The following SLC6A5 variants were observed in gnomAD, a reference collection of about 807,000 sequenced individuals.
SLC6A5 encodes the protein sodium- and chloride-dependent glycine transporter 2.
SLC6A5 carries 58 observed loss-of-function variants against 90.5 expected under a neutral mutation model. The ratio of observed to expected loss-of-function variants is 0.64; its 90% confidence interval spans 0.52 to 0.80. SLC6A5 has a LOEUF of 0.80. SLC6A5 is among the 30% of genes least tolerant of loss of function. The probability of loss-of-function intolerance (pLI) is 0.00; values close to 1 mark genes in which losing one functional copy is unlikely to be tolerated. For missense variants in SLC6A5, 1,015 were observed against 1,017.6 expected, an observed-to-expected ratio of 1.00 and a Z score of 0.03; for synonymous variants, 427 against 401.4, an observed-to-expected ratio of 1.06 and a Z score of -0.76.
rs529583324 is a variant in SLC6A5 at position 20,629,681 on chromosome 11, CAT to C, written c.1500-1008_1500-1007del. On this transcript the variant is annotated intron_variant, in intron 9 of 15. Transcript: ENST00000525748. The stretch of plus-strand genomic sequence containing the variant: ...GTTCATTCTTCTAGCTGTTTGAAAA[CAT>C]AAAATAAATTGTTGTTAATATAGTC... Among the ~76,000 whole-genome samples, 29 of 151,232 alleles carry C rather than the reference CAT, an allele frequency of 1.9e-4. 1 individual carries two copies. In the East Asian group the frequency reaches 5.4e-3, roughly 28 times the overall value.
intron 10 of SLC6A5, among the ~76,000 whole-genome samples, chr11:20,634,834 G>A (rs1853173541): frequency 6.6e-6 from 1 of 152,098 alleles, no homozygotes; most frequent in Admixed American, 6.6e-5. Context: ...AACATTCTAG[G>A]TGCTGTGATT....
intron 13 of SLC6A5, among the ~76,000 whole-genome samples, chr11:20,639,558 C>T (rs1284505803): frequency 1.3e-5 from 2 of 152,164 alleles, no homozygotes; most frequent in African/African-American, 2.4e-5. Flanking sequence ...GAGCTCTGGT[C>T]TTTAAACTGG....
intron 14 of SLC6A5, among the ~76,000 whole-genome samples, chr11:20,647,411 GGAA>G (rs373885126): frequency 2.2e-4 from 26 of 118,380 alleles, no homozygotes; most frequent in South Asian, 7.8e-4. Context: ...CTATTATATA[GGAA>G]TTCCTATTAT....
chr11:20,641,637 C>A (rs770892265), intron 13 of SLC6A5, among the ~76,000 whole-genome samples: 1 of 152,124 alleles, frequency 6.6e-6, no homozygotes, highest in East Asian at 1.9e-4. Context: ...TATACACCAC[C>A]AATTTCAGGG....
rs748929107 is a variant in SLC6A5, at chr11:20,617,878, A to G, written c.1254A>G (p.Ser418=). The change falls in exon 7 of 16, where the codon TCA becomes TCG. Residue 418 remains serine, a synonymous_variant. Transcript: ENST00000525748. ...CATTGGCTAAAGGAATCAAGACTTC[A>G]GGAAAAGTAAGCACTTGGATTTATC... The part of the protein sequence containing the change: ...YASLAKGIKT[S]GKVVYFTATF... The G allele has an allele frequency of 6.2e-7, 1 of 1,612,940 alleles. No homozygotes were observed. Among genetic ancestry groups the G allele is most frequent in the Non-Finnish European group, 8.5e-7 (1 of 1,179,840 alleles).
chr11:20,624,141 T>C (rs1183599011), intron 7 of SLC6A5, among the ~76,000 whole-genome samples: 1 of 149,386 alleles, frequency 6.7e-6, no homozygotes, highest in African/African-American at 2.4e-5. Context: ...AAGGGTTTTA[T>C]ATATATATAT....
intron 1 of SLC6A5, among the ~76,000 whole-genome samples, chr11:20,600,579 C>T (rs1852451085): frequency 6.6e-6 from 1 of 152,028 alleles, no homozygotes; most frequent in Admixed American, 6.6e-5. Flanking sequence ...GATTCTTAAC[C>T]TTGTCTTTGC....
At chr11:20,606,894 T>C (rs1852592082) in intron 3 of SLC6A5, 113 bp from the exon 4 acceptor site, 2 of 1,351,968 alleles carry the variant, frequency 1.5e-6, no homozygotes, top group South Asian at 2.4e-5. Context: ...GGAATGGAGC[T>C]AAATTGTCCT....
At position 20,654,937 on chromosome 11, in the gene SLC6A5, A is replaced by G; in HGVS notation, c.*69A>G. ...TCTGCCTCCTCCTAATGTTTTCCATAGCTCTCCTCCCATTTTTCTTCATCT... is the reference window on the plus strand; with the variant it reads ...TCTGCCTCCTCCTAATGTTTTCCATGGCTCTCCTCCCATTTTTCTTCATCT... On this transcript the variant is annotated 3_prime_UTR_variant, in exon 16 of 16. Coordinates refer to ENST00000525748, the MANE Select transcript of SLC6A5 (RefSeq NM_004211.5). 1 of 1,458,280 alleles carries G rather than the reference A, an allele frequency of 6.9e-7. No individual in the cohort carries two copies. Among genetic ancestry groups the G allele is most frequent in the Non-Finnish European group, 9.6e-7 (1 of 1,037,890 alleles). 90.3% of individuals were successfully genotyped at this position (1,458,280 alleles called of 1,614,324 possible).
intron 15 of SLC6A5, among the ~76,000 whole-genome samples, chr11:20,654,463 T>C (rs1252734881): frequency 6.6e-6 from 1 of 152,228 alleles, no homozygotes; most frequent in Non-Finnish European, 1.5e-5. Context: ...CACAGAGCAA[T>C]TGCAATATTG....
chr11:20,653,923 A>T (rs532968722), intron 15 of SLC6A5, among the ~76,000 whole-genome samples: 1 of 152,334 alleles, frequency 6.6e-6, no homozygotes, highest in East Asian at 1.9e-4. Flanking sequence ...TTGCAAACTG[A>T]TGATTAAGGA....
intron 15 of SLC6A5, among the ~76,000 whole-genome samples, chr11:20,653,577 G>A (rs111888814): frequency 1.2e-3 from 179 of 152,330 alleles, no homozygotes; most frequent in African/African-American, 4.2e-3. Context: ...AGTCCACTGG[G>A]TGGGGAGGTA....
intron 2 of SLC6A5, among the ~76,000 whole-genome samples, chr11:20,603,702 G>T (rs1852521093): frequency 6.6e-6 from 1 of 152,204 alleles, no homozygotes; most frequent in South Asian, 2.1e-4. Context: ...GACCAGGCAG[G>T]TTCTGGTTTG....
Position 20,626,804 on chromosome 11 carries a change from T to G in SLC6A5, c.1357T>G (p.Phe453Val). The G allele has an allele frequency of 6.2e-7, 1 of 1,614,014 alleles. No homozygotes were observed. Among genetic ancestry groups the G allele is most frequent in the Non-Finnish European group, 8.5e-7 (1 of 1,179,900 alleles). Residue 453 changes from phenylalanine to valine, a missense_variant, in exon 8 of 16, where the codon TTC becomes GTC. This residue lies in a region of SLC6A5 where 442 missense variants were observed against 494.3 expected (regional missense o/e 0.89). Coordinates refer to ENST00000525748, the MANE Select transcript of SLC6A5 (RefSeq NM_004211.5). ...LPGAGAGIWYFITPKWEKLTD... is the reference protein window; with the variant it reads ...LPGAGAGIWYVITPKWEKLTD... ...TGGAGCTGGAGCTGGGATCTGGTAC[T>G]TCATCACACCCAAGTGGGAGAAACT...
intron 11 of SLC6A5, 75 bp from the exon 12 acceptor site, chr11:20,637,097 A>T (rs1853222262): frequency 2.1e-6 from 3 of 1,436,164 alleles, no homozygotes; most frequent in Admixed American, 3.4e-5. Flanking sequence ...CCTGGATGGG[A>T]CATACAAAGG....
At position 20,639,975 on chromosome 11, in the gene SLC6A5, C is replaced by T. The variant is rs115869757; in HGVS notation, c.1969+1417C>T. ...CCTGCAGTGATTGAAGACCTGCTGT[C>T]GGAGTTAGGGTGAGGCTTCAAAGTG... On this transcript the variant is annotated intron_variant, in intron 13 of 15. Transcript: ENST00000525748. Among the ~76,000 whole-genome samples, 1,497 of 152,244 alleles carry T rather than the reference C, an allele frequency of 9.8e-3. 33 individuals are homozygous for T. The highest frequency in any genetic ancestry group is 0.034 in the African/African-American group (1,421 of 41,542).
At chr11:20,622,200 A>G (rs1336325825) in intron 7 of SLC6A5, among the ~76,000 whole-genome samples, 1 of 152,240 alleles carries the variant, frequency 6.6e-6, no homozygotes, top group Non-Finnish European at 1.5e-5. Flanking sequence ...GCTGTGCAGA[A>G]ACCTCCAATG....
chr11:20,613,937 G>A (rs561365672), intron 5 of SLC6A5, among the ~76,000 whole-genome samples: 2 of 152,186 alleles, frequency 1.3e-5, no homozygotes, highest in Non-Finnish European at 1.5e-5. Flanking sequence ...AGGTCCCCAA[G>A]GTATGACAAC....
chr11:20,635,018 C>A (rs562998374), intron 10 of SLC6A5, among the ~76,000 whole-genome samples: 1 of 152,036 alleles, frequency 6.6e-6, no homozygotes, highest in Admixed American at 6.6e-5. Flanking sequence ...GAATGGCTGG[C>A]AGAGCTTTAC....
Sources: gnomAD v4.1 joint callset for allele counts (sites outside exome capture counted in the v4.1 genomes callset) on GRCh38, gnomAD v4.1.1 for gene constraint, gnomAD v4.1.1 regional missense constraint, MANE v1.5 for transcripts, NCBI Gene and HGNC (gene_info 2026-07-23, HGNC 2026-07-21) for gene names.